The following YJU2B variants were observed in gnomAD, a reference collection of about 807,000 sequenced individuals.
YJU2B encodes probable splicing factor YJU2B.
Under a neutral mutation model 38.0 loss-of-function variants are expected in YJU2B, and 18 were observed. The observed-to-expected ratio is 0.47, with a 90% CI of 0.33 to 0.70. The LOEUF (loss-of-function observed/expected upper bound fraction) is 0.70. Among genes scored for constraint, YJU2B ranks in the 30% least tolerant of loss-of-function variants. YJU2B has a pLI of 0.02. For missense variants in YJU2B, 538 were observed against 556.3 expected (o/e 0.97, Z 0.33); for synonymous variants, 246 against 225.4 (o/e 1.09, Z -0.82).
At chr19:13,734,011 T>G (rs1384009375) in intron 2 of YJU2B, among the ~76,000 whole-genome samples, 4 of 152,146 alleles carry the variant, frequency 2.6e-5, no homozygotes, top group Non-Finnish European at 5.9e-5. Context: ...CACTGTAGCC[T>G]CCAACTCCTG....
At chr19:13,745,982 T>A (rs1003775339), upstream of YJU2B, among the ~76,000 whole-genome samples, 18 of 152,064 alleles carry the variant, frequency 1.2e-4, 1 homozygote, top group African/African-American at 4.1e-4. Flanking sequence ...CTGGGCACAG[T>A]GGCTCATGCC....
intron 2 of YJU2B, among the ~76,000 whole-genome samples, chr19:13,732,905 G>A (rs1471367302): frequency 4.0e-5 from 6 of 150,268 alleles, no homozygotes; most frequent in East Asian, 2.0e-4. Flanking sequence ...AACTGCACCC[G>A]GCATAAAAAA....
rs1222629626 is a variant in YJU2B, at chr19:13,758,971, C to T, written c.361C>T (p.Arg121Cys). Residue 121 changes from arginine (R) to cysteine (C), a missense_variant, in exon 7 of 10, where the codon CGC becomes TGC. Physicochemically the swap from Arg to Cys is radical, Grantham distance 180. This residue lies in a region of YJU2B where 488 missense variants were observed against 469.5 expected (regional missense o/e 1.04). Coordinates refer to ENST00000221554, the MANE Select transcript of YJU2B (RefSeq NM_030818.4). ...IVSGAQRKEERWDMADNEQVL... is the reference protein window; with the variant it reads ...IVSGAQRKEECWDMADNEQVL... ...GAGTGGCGCCCAGCGCAAGGAGGAG[C>T]GCTGGGACATGGCGGACAATGAGCA... is the stretch of plus-strand genomic sequence containing the variant. 10 of 1,613,770 alleles carry T rather than the reference C, an allele frequency of 6.2e-6. No homozygotes were observed. Among genetic ancestry groups the T allele is most frequent in the South Asian group, 2.2e-5 (2 of 91,068 alleles).
Position 13,762,616 on chromosome 19 carries a change from C to G in YJU2B, c.739C>G (p.Arg247Gly), listed in dbSNP as rs758329542. Reference protein sequence around the residue: ...DSYEDKQKLKRTEIISRSWFP... With the variant: ...DSYEDKQKLKGTEIISRSWFP... ...CTACGAGGACAAGCAGAAACTCAAG[C>G]GGACCGAGATCATCAGCCGCTCCTG... is the stretch of plus-strand genomic sequence containing the variant. Residue 247 changes from arginine to glycine, a missense_variant, in exon 10 of 10, where the codon CGG becomes GGG. Physicochemically the swap from Arg to Gly is moderately radical, Grantham distance 125 (BLOSUM62 -2). Around this residue, in one of 2 missense-constraint regions of YJU2B, gnomAD observed 488 missense variants for 469.5 expected, o/e 1.04. Transcript: ENST00000221554. The G allele has an allele frequency of 1.3e-6, 2 of 1,528,652 alleles. No individual in the cohort carries two copies. The highest frequency in any genetic ancestry group is 1.7e-6 in the Non-Finnish European group (2 of 1,146,318). 94.7% of individuals were successfully genotyped at this position (1,528,652 alleles called of 1,614,324 possible).
At chr19:13,756,773 G>A (rs1378544683) in intron 4 of YJU2B, among the ~76,000 whole-genome samples, 2 of 152,086 alleles carry the variant, frequency 1.3e-5, no homozygotes, top group East Asian at 3.9e-4. Context: ...CCAAGAGTTC[G>A]AGAGCAGCCT....
upstream of YJU2B, chr19:13,747,892 T>C (rs1973304084): frequency 6.6e-6 from 1 of 152,268 alleles, no homozygotes; most frequent in Non-Finnish European, 1.5e-5. Flanking sequence ...GGCGCCCAGG[T>C]TCACCGCGCT....
Position 13,738,611 on chromosome 19 carries a change from G to C in YJU2B, c.-202+6326G>C, listed in dbSNP as rs576045510. Among the ~76,000 whole-genome samples, 223 of 152,162 alleles carry C rather than the reference G, an allele frequency of 1.5e-3. 1 individual carries two copies. Among genetic ancestry groups the C allele is most frequent in the African/African-American group, 5.3e-3 (220 of 41,524 alleles). Reference sequence around the variant, plus strand: ...CCGTCTCTATTAAAAATACAAAAAAGCCGGGCGTGGTGGCTCACGCCTGTA... The same window carrying C: ...CCGTCTCTATTAAAAATACAAAAAACCCGGGCGTGGTGGCTCACGCCTGTA... On this transcript the variant is annotated intron_variant, in intron 2 of 10. Coordinates refer to the YJU2B transcript ENST00000586600.
intron 1 of YJU2B, among the ~76,000 whole-genome samples, chr19:13,751,371 C>A (rs1452629438): frequency 6.6e-6 from 1 of 151,918 alleles, no homozygotes; most frequent in East Asian, 1.9e-4. Flanking sequence ...GCAGAGATCG[C>A]GCCACTGCAC....
At chr19:13,745,065 A>G (rs919620229), upstream of YJU2B, among the ~76,000 whole-genome samples, 5 of 152,108 alleles carry the variant, frequency 3.3e-5, no homozygotes, top group Non-Finnish European at 5.9e-5. Flanking sequence ...AAAACAGTAT[A>G]GCTCAGAGGA....
At position 13,756,833 on chromosome 19, in the gene YJU2B, T is replaced by A. The variant is rs536731164; in HGVS notation, c.140+554T>A. Among the ~76,000 whole-genome samples the A allele has an allele frequency of 2.6e-5, 4 of 151,960 alleles. No homozygotes were observed. In the East Asian group the frequency reaches 7.8e-4, roughly 29 times the overall value. ...CTACTGAAAATAGAAAAAATTAGGC[T>A]GGGTGCGGTGGCTCACACCTGTAAT... is the stretch of plus-strand genomic sequence containing the variant. On this transcript the variant is annotated intron_variant, in intron 4 of 9. Coordinates refer to ENST00000221554, the MANE Select transcript of YJU2B (RefSeq NM_030818.4).
rs866188754 is a variant in YJU2B at position 13,759,143 on chromosome 19, G to C, written c.444G>C (p.Arg148=). ...AGCTGGAGACGGACGCCATGTTCCG[G>C]CTGGAGCATGGCGAGGCCGACCGCA... The part of the protein sequence containing the change: ...KQKLETDAMF[R]LEHGEADRST... Residue 148 remains arginine (R), a synonymous_variant, in exon 8 of 10, where the codon CGG becomes CGC. Transcript: ENST00000221554. 6.2e-7 allele frequency: 1 copy of C among 1,613,706 alleles called. No individual in the cohort carries two copies. Among genetic ancestry groups the C allele is most frequent in the Admixed American group, 1.7e-5 (1 of 59,982 alleles).
At chr19:13,750,783 C>A (rs1429150865) in intron 1 of YJU2B, among the ~76,000 whole-genome samples, 1 of 150,062 alleles carries the variant, frequency 6.7e-6, no homozygotes, top group Non-Finnish European at 1.5e-5. Context: ...ATCACTTAAA[C>A]CCAGGAGGCA....
intron 2 of YJU2B, among the ~76,000 whole-genome samples, chr19:13,736,046 C>T (rs914223521): frequency 7.8e-6 from 1 of 128,678 alleles, no homozygotes; most frequent in Non-Finnish European, 1.6e-5. Flanking sequence ...AGGGAGACTC[C>T]GTCTCAAAAA....
chr19:13,762,790 G>A lies in YJU2B; in HGVS notation c.913G>A (p.Glu305Lys), dbSNP rs769474643. Residue 305 changes from glutamate (E) to lysine (K), a missense_variant, in exon 10 of 10, where the codon GAG (glutamate) becomes AAG (lysine). By Grantham distance (56) the Glu-to-Lys change is moderately conservative. Transcript: ENST00000221554. ...IVRRRSRDVP[E>K]SPQHAADTPK... ...GCGGCGGAGGTCTCGGGACGTCCCG[G>A]AGAGCCCCCAGCATGCGGCCGACAC... The A allele has an allele frequency of 1.2e-6, 2 of 1,603,642 alleles. No individual in the cohort carries two copies. Among genetic ancestry groups the A allele is most frequent in the Non-Finnish European group, 1.7e-6 (2 of 1,176,258 alleles).
chr19:13,740,037 G>A (rs1973052288), intron 2 of YJU2B, among the ~76,000 whole-genome samples: 1 of 152,004 alleles, frequency 6.6e-6, no homozygotes. Context: ...ATTTACAATA[G>A]CAAAGACTTG....
chr19:13,747,839 TGCCTCGCCCC>T (rs1248326535), upstream of YJU2B: 1 of 152,288 alleles, frequency 6.6e-6, no homozygotes, highest in African/African-American at 2.4e-5. Flanking sequence ...GTGGAGCTGC[TGCCTCGCCCC>T]GCCTCACGCC....
rs571045145 is a variant in YJU2B, at chr19:13,735,819, A to G, written c.-202+3534A>G. 1.6e-3 allele frequency among the ~76,000 whole-genome samples: 237 copies of G among 152,108 alleles called. 1 individual carries two copies. Among genetic ancestry groups the G allele is most frequent in the Non-Finnish European group, 2.5e-3 (172 of 67,992 alleles). ...TGTAATCCCAGCACTTTGGGAAGCCAAGGCGGGCGGATCACGAGGTCAGGA... is the reference window on the plus strand; with the variant it reads ...TGTAATCCCAGCACTTTGGGAAGCCGAGGCGGGCGGATCACGAGGTCAGGA... On this transcript the variant is annotated intron_variant, in intron 2 of 10. Coordinates refer to the YJU2B transcript ENST00000586600.
upstream of YJU2B, among the ~76,000 whole-genome samples, chr19:13,743,919 C>T (rs950118535): frequency 1.3e-5 from 2 of 150,836 alleles, no homozygotes; most frequent in African/African-American, 2.4e-5. Flanking sequence ...ATAGGCTGGG[C>T]GCAGTGGCTC....
chr19:13,749,291 A>G (rs373298), intron 1 of YJU2B, among the ~76,000 whole-genome samples: 92,053 of 152,198 alleles, frequency 0.6, 28,067 homozygotes, highest in Middle Eastern at 0.72. Context: ...GGCGTGAGCC[A>G]CCGAGTCCGG....
Sources: gnomAD v4.1 joint callset for allele counts (sites outside exome capture counted in the v4.1 genomes callset) on GRCh38, gnomAD v4.1.1 for gene constraint, gnomAD v4.1.1 regional missense constraint, MANE v1.5 for transcripts, NCBI Gene and HGNC (gene_info 2026-07-23, HGNC 2026-07-21) for gene names.